KDM2A: variants seen among roughly 807,000 people sequenced by gnomAD.
The protein encoded by KDM2A is lysine-specific demethylase 2A.
A neutral mutation model predicts 137.3 loss-of-function variants in KDM2A; 3 were observed. The ratio of observed to expected loss-of-function variants is 0.02; its 90% CI spans 0.01 to 0.06. The LOEUF (loss-of-function observed/expected upper bound fraction) is 0.06, where lower values mean the gene tolerates loss of function less well. KDM2A is among the 10% of genes least tolerant of loss of function. The pLI is 1.00. For synonymous variants in KDM2A, 512 were observed against 541.5 expected (o/e 0.95, Z 0.76); for missense variants, 738 against 1,510.6 (o/e 0.49, Z 8.48).
chr11:67,129,937 GTCTGAATTTTAAGC>G (rs1465554370), intron 2 of KDM2A, among the ~76,000 whole-genome samples: 1 of 150,622 alleles, frequency 6.6e-6, no homozygotes, highest in Non-Finnish European at 1.5e-5. Context: ...TTAAAGTTTA[GTCTGAATTTTAAGC>G]TCTCCTATTC....
intron 5 of KDM2A, among the ~76,000 whole-genome samples, 185 bp from the exon 6 acceptor site, chr11:67,207,325 C>T (rs1857833961): frequency 6.6e-6 from 1 of 152,162 alleles, no homozygotes; most frequent in Non-Finnish European, 1.5e-5. Context: ...TTATTATTAA[C>T]ATTATCCATT....
intron 2 of KDM2A, among the ~76,000 whole-genome samples, chr11:67,152,495 C>T (rs1383919329): frequency 6.6e-6 from 1 of 151,812 alleles, no homozygotes; most frequent in African/African-American, 2.4e-5. Flanking sequence ...GTAGTCCTTG[C>T]TACTTGGGAG....
At chr11:67,242,943 G>A in intron 12 of KDM2A, 66 bp from the exon 13 acceptor site, 1 of 1,248,992 alleles carries the variant, frequency 8.0e-7, no homozygotes. Context: ...TCTGGATGCT[G>A]TTCAGGGTGG....
intron 5 of KDM2A, among the ~76,000 whole-genome samples, chr11:67,204,912 C>G (rs1857757030): frequency 6.6e-6 from 1 of 152,122 alleles, no homozygotes; most frequent in South Asian, 2.1e-4. Flanking sequence ...TCATGGTAAA[C>G]ATTTGTGTTA....
At chr11:67,157,326 AAAAAAC>A (rs1240149771) in intron 2 of KDM2A, among the ~76,000 whole-genome samples, 3 of 151,522 alleles carry the variant, frequency 2.0e-5, no homozygotes, top group Non-Finnish European at 1.5e-5. Flanking sequence ...TCAAAAAAAA[AAAAAAC>A]AAAAAACACC....
chr11:67,203,499 T>C (rs565347755), intron 5 of KDM2A, among the ~76,000 whole-genome samples: 3 of 147,542 alleles, frequency 2.0e-5, no homozygotes, highest in East Asian at 2.0e-4. Context: ...AATATATTTT[T>C]ATATAATATA....
intron 11 of KDM2A, among the ~76,000 whole-genome samples, chr11:67,230,602 G>T (rs1590809531): frequency 6.6e-6 from 1 of 151,730 alleles, no homozygotes; most frequent in East Asian, 1.9e-4. Context: ...CTCCAGCCTG[G>T]GCAAAAGAGT....
Position 67,231,924 on chromosome 11 carries a change from G to A in KDM2A, c.1443G>A (p.Gly481=). ...LPLHKKCVPT[G]IEDEDALIAD... ...TGCACAAGAAATGTGTCCCCACAGG[G>A]ATAGAAGATGAAGATGCTCTCATTG... The change falls in exon 12 of 21, where the codon GGG becomes GGA. Residue 481 remains glycine, a synonymous_variant. Coordinates refer to ENST00000529006, the MANE Select transcript of KDM2A (RefSeq NM_012308.3). 1 of 1,613,864 alleles carries A rather than the reference G, an allele frequency of 6.2e-7. No individual in the cohort carries two copies.
chr11:67,195,150 C>T (rs1417188102), intron 5 of KDM2A, among the ~76,000 whole-genome samples: 1 of 152,010 alleles, frequency 6.6e-6, no homozygotes, highest in Non-Finnish European at 1.5e-5. Context: ...CTGTCAAGCC[C>T]ATCCAGTTCT....
chr11:67,245,126 C>G lies in KDM2A; in HGVS notation c.1564-63C>G, dbSNP rs1176463153. On this transcript the variant is annotated intron_variant, in intron 13 of 20. Coordinates refer to ENST00000529006, the MANE Select transcript of KDM2A (RefSeq NM_012308.3). This position sits in a 1 kb window ranked among gnomAD's most constrained non-coding sequence, Gnocchi z 4.1. Reference sequence around the variant, plus strand: ...CAGGCTAGGTATGCTACCATGTAATCTTCTACCCTATCCAGTCTTAAAGCA... The same window carrying G: ...CAGGCTAGGTATGCTACCATGTAATGTTCTACCCTATCCAGTCTTAAAGCA... The G allele has an allele frequency of 6.4e-7, 1 of 1,568,884 alleles. No homozygotes were observed. The highest frequency in any genetic ancestry group is 8.7e-7 in the Non-Finnish European group (1 of 1,154,632).
At chr11:67,172,734 T>C (rs1856904791) in intron 2 of KDM2A, among the ~76,000 whole-genome samples, 1 of 152,066 alleles carries the variant, frequency 6.6e-6, no homozygotes. Context: ...ACTTTTCTTT[T>C]TCTTGCCTAA....
chr11:67,252,924 A>C (rs555657278), intron 18 of KDM2A, 67 bp downstream of exon 18: 2 of 1,511,480 alleles, frequency 1.3e-6, no homozygotes, highest in Admixed American at 3.9e-5. Context: ...AAGTTGCATT[A>C]TTGGCAGTGC....
chr11:67,198,538 A>G (rs905576606), intron 5 of KDM2A, among the ~76,000 whole-genome samples: 3 of 151,756 alleles, frequency 2.0e-5, no homozygotes, highest in Non-Finnish European at 4.4e-5. Context: ...GTGAAATCCC[A>G]TCTCTACTAA....
chr11:67,185,384 C>T (rs1648469956), intron 5 of KDM2A, among the ~76,000 whole-genome samples: 1 of 152,150 alleles, frequency 6.6e-6, no homozygotes, highest in Admixed American at 6.5e-5. Flanking sequence ...GTAATCCCAG[C>T]ACTTTGGGAG....
chr11:67,245,173 T>C lies in KDM2A; in HGVS notation c.1564-16T>C. ...AGCAACCTGATATATTTGACCTCAC[T>C]GCTTTCTCTTTCCAGCTTAAATTCC... On this transcript the variant is annotated splice_polypyrimidine_tract_variant and intron_variant, in intron 13 of 20. Transcript: ENST00000529006. The surrounding 1 kb of genome is among the most constrained non-coding windows in gnomAD (Gnocchi z 4.1). 1 of 1,610,964 alleles carries C rather than the reference T, an allele frequency of 6.2e-7. No individual in the cohort carries two copies. Among genetic ancestry groups the C allele is most frequent in the Non-Finnish European group, 8.5e-7 (1 of 1,178,012 alleles).
intron 2 of KDM2A, among the ~76,000 whole-genome samples, chr11:67,150,727 A>G (rs967940192): frequency 4.6e-5 from 7 of 152,156 alleles, no homozygotes; most frequent in African/African-American, 1.4e-4. Context: ...AGAGAGGGTC[A>G]GCAGACAAGG....
chr11:67,223,109 T>G (rs1384967751), intron 10 of KDM2A, among the ~76,000 whole-genome samples: 1 of 151,670 alleles, frequency 6.6e-6, no homozygotes, highest in Middle Eastern at 3.4e-3. Context: ...GGAAAATCGC[T>G]TGAACCTGGG....
At chr11:67,227,601 A>G (rs549364752) in intron 10 of KDM2A, among the ~76,000 whole-genome samples, 25 of 151,420 alleles carry the variant, frequency 1.7e-4, no homozygotes, top group African/African-American at 5.8e-4. Flanking sequence ...ACGGAGTCTC[A>G]CTCTGTAGCC....
intron 9 of KDM2A, 90 bp downstream of exon 9, chr11:67,217,974 G>A: frequency 1.8e-6 from 2 of 1,142,564 alleles, no homozygotes; most frequent in Admixed American, 2.8e-5. Context: ...TAGTTATGAT[G>A]CTGGGCGTCT....
Sources: allele counts gnomAD v4.1 joint callset (sites outside exome capture counted in the v4.1 genomes callset), GRCh38; gene constraint gnomAD v4.1.1; non-coding constraint Gnocchi (gnomAD v3.1); transcripts MANE v1.5; gene names NCBI Gene and HGNC (gene_info 2026-07-23, HGNC 2026-07-21).